Variants in CNTNAP2 observed in about 807,000 individuals in gnomAD.
The protein encoded by CNTNAP2 is contactin-associated protein-like 2.
CNTNAP2 carries 98 observed loss-of-function variants against 155.2 expected under a neutral mutation model. That is an observed-to-expected ratio of 0.63 (90% CI 0.54 to 0.75). The LOEUF is 0.75. Among genes scored for constraint, CNTNAP2 ranks in the 30% least tolerant of loss-of-function variants. The pLI is 0.00. For synonymous variants in CNTNAP2, 651 were observed against 631.2 expected (o/e 1.03, Z -0.47); for missense variants, 1,727 against 1,688.1 (o/e 1.02, Z -0.40).
intron 11 of CNTNAP2, among the ~76,000 whole-genome samples, chr7:147,536,008 A>T (rs1218251975): frequency 6.6e-6 from 1 of 152,194 alleles, no homozygotes; most frequent in Non-Finnish European, 1.5e-5. Context: ...AGAGGAGAGA[A>T]ATCCACACAT....
intron 8 of CNTNAP2, among the ~76,000 whole-genome samples, chr7:147,195,206 G>A (rs1393173416): frequency 6.6e-6 from 1 of 152,078 alleles, no homozygotes; most frequent in Non-Finnish European, 1.5e-5. Context: ...GTTTTTGGCA[G>A]GTTTGTCAAA....
intron 5 of CNTNAP2, among the ~76,000 whole-genome samples, chr7:147,113,444 A>T (rs1800922919): frequency 2.1e-5 from 3 of 143,218 alleles, no homozygotes; most frequent in East Asian, 2.0e-4. Flanking sequence ...GTGATTTATT[A>T]AAAAAAAAAA....
intron 12 of CNTNAP2, among the ~76,000 whole-genome samples, chr7:147,569,117 A>C (rs1218621742): frequency 6.6e-6 from 1 of 152,256 alleles, no homozygotes; most frequent in African/African-American, 2.4e-5. Context: ...ATAAAGCCCC[A>C]GGATTTAGCT....
chr7:147,925,818 A>G (rs1243727358), intron 14 of CNTNAP2, among the ~76,000 whole-genome samples: 4 of 152,202 alleles, frequency 2.6e-5, no homozygotes, highest in Non-Finnish European at 5.9e-5. Flanking sequence ...AGCATCACAC[A>G]AAATAGTTTC....
intron 3 of CNTNAP2, among the ~76,000 whole-genome samples, chr7:146,943,860 A>T (rs893616382): frequency 6.6e-6 from 1 of 152,238 alleles, no homozygotes; most frequent in Admixed American, 6.5e-5. Flanking sequence ...AACTGCTTAC[A>T]TGAAGATGAT....
rs1442279567 is a variant in CNTNAP2, at chr7:147,975,109, TTTTTTTGTATTATGTATAATA to T, written c.2256-2739_2256-2719del. Reference sequence around the variant, plus strand: ...ATTTTTTGTATTACGTATAATACAATTTTTTTGTATTATGTATAATATTTTTTGTATTATATATACTATTTT... The same window carrying T: ...ATTTTTTGTATTACGTATAATACAATTTTTTTGTATTATATATACTATTTT... On this transcript the variant is annotated intron_variant, in intron 14 of 23. Transcript: ENST00000361727. Among the ~76,000 whole-genome samples the T allele has an allele frequency of 1.5e-4, 16 of 109,910 alleles. No individual in the cohort carries two copies. The East Asian group carries it at 6.3e-3, about 44-fold the overall frequency. 72.1% of individuals were successfully genotyped at this position (109,910 alleles called of 152,430 possible).
chr7:147,605,458 T>C (rs973225942), intron 12 of CNTNAP2, among the ~76,000 whole-genome samples: 4 of 152,016 alleles, frequency 2.6e-5, no homozygotes, highest in African/African-American at 9.7e-5. Context: ...TTATGTGAGG[T>C]GAGGAAAGGA....
chr7:147,053,727 A>C (rs1799511665), intron 4 of CNTNAP2, among the ~76,000 whole-genome samples: 1 of 152,166 alleles, frequency 6.6e-6, no homozygotes, highest in Non-Finnish European at 1.5e-5. Flanking sequence ...TATTAGTCCA[A>C]AATTTTTCAT....
chr7:147,461,253 TG>T (rs1798018980), intron 10 of CNTNAP2, among the ~76,000 whole-genome samples: 1 of 152,226 alleles, frequency 6.6e-6, no homozygotes, highest in African/African-American at 2.4e-5. Context: ...TAATTAGGTT[TG>T]GAAATGCATC....
intron 1 of CNTNAP2, among the ~76,000 whole-genome samples, chr7:146,468,523 A>G (rs902775567): frequency 7.9e-5 from 12 of 152,118 alleles, no homozygotes; most frequent in Non-Finnish European, 1.5e-5. Flanking sequence ...AATGAGTTTC[A>G]AGGAAATGTC....
chr7:146,528,331 T>C (rs1214983009), intron 1 of CNTNAP2, among the ~76,000 whole-genome samples: 2 of 152,280 alleles, frequency 1.3e-5, no homozygotes, highest in African/African-American at 4.8e-5. Context: ...CACTGTTCTT[T>C]CTTTTATATT....
chr7:146,550,460 G>A (rs1456737694), intron 1 of CNTNAP2, among the ~76,000 whole-genome samples: 2 of 113,796 alleles, frequency 1.8e-5, no homozygotes, highest in East Asian at 5.6e-4. Context: ...TTGATAATAT[G>A]GGTGCTTGGG....
At chr7:147,051,323 G>A (rs966782273) in intron 4 of CNTNAP2, among the ~76,000 whole-genome samples, 1 of 151,744 alleles carries the variant, frequency 6.6e-6, no homozygotes, top group Non-Finnish European at 1.5e-5. Flanking sequence ...TCATACAGAA[G>A]CATCCCAGAT....
intron 13 of CNTNAP2, among the ~76,000 whole-genome samples, chr7:147,869,679 A>G (rs1383367820): frequency 2.6e-5 from 4 of 152,216 alleles, no homozygotes; most frequent in East Asian, 3.8e-4. Flanking sequence ...GGAGGGATGT[A>G]TAAGTGTCCC....
At chr7:147,446,615 C>T (rs1797745087) in intron 10 of CNTNAP2, among the ~76,000 whole-genome samples, 1 of 152,214 alleles carries the variant, frequency 6.6e-6, no homozygotes, top group South Asian at 2.1e-4. Flanking sequence ...TTAGAAGAGA[C>T]ACAACTTTTC....
At chr7:146,492,463 C>T (rs923647341) in intron 1 of CNTNAP2, among the ~76,000 whole-genome samples, 4 of 152,094 alleles carry the variant, frequency 2.6e-5, no homozygotes, top group African/African-American at 7.2e-5. Flanking sequence ...ATCTTAGTTC[C>T]TTGGTTCTTC....
intron 11 of CNTNAP2, among the ~76,000 whole-genome samples, chr7:147,527,721 G>C (rs1275178259): frequency 6.6e-6 from 1 of 152,202 alleles, no homozygotes; most frequent in East Asian, 1.9e-4. Context: ...TGTGAGCCGT[G>C]TAACTATCTC....
At chr7:146,901,615 G>A (rs1014397726) in intron 3 of CNTNAP2, among the ~76,000 whole-genome samples, 3 of 152,092 alleles carry the variant, frequency 2.0e-5, no homozygotes, top group African/African-American at 4.8e-5. Context: ...TATGGAATTT[G>A]CAGTAGGAAA....
At chr7:147,128,350 A>G (rs1801281453) in intron 6 of CNTNAP2, among the ~76,000 whole-genome samples, 1 of 152,242 alleles carries the variant, frequency 6.6e-6, no homozygotes, top group Admixed American at 6.5e-5. Flanking sequence ...AATGATAAAC[A>G]TAAAAATATA....
Sources: gnomAD v4.1 joint callset for allele counts (sites outside exome capture counted in the v4.1 genomes callset) on GRCh38, gnomAD v4.1.1 for gene constraint, MANE v1.5 for transcripts, NCBI Gene and HGNC (gene_info 2026-07-23, HGNC 2026-07-21) for gene names.